Variants in PACSIN1 observed in about 807,000 individuals in gnomAD.
PACSIN1 encodes protein kinase C and casein kinase substrate in neurons 1.
PACSIN1 carries 15 observed loss-of-function variants against 59.5 expected under a neutral mutation model. That is an observed-to-expected ratio of 0.25 (90% CI 0.17 to 0.39). The LOEUF (loss-of-function observed/expected upper bound fraction) is 0.39. PACSIN1 is among the 10% of genes least tolerant of loss of function. PACSIN1 has a pLI of 1.00. For synonymous variants in PACSIN1, 210 were observed against 220.6 expected (o/e 0.95, Z 0.42); for missense variants, 420 against 580.2 (o/e 0.72, Z 2.84).
At chr6:34,487,344 T>C (rs1434467106) in intron 1 of PACSIN1, among the ~76,000 whole-genome samples, 2 of 152,184 alleles carry the variant, frequency 1.3e-5, no homozygotes, top group Non-Finnish European at 2.9e-5. Context: ...AGGATCAGGT[T>C]TGCCTGTTAT....
At position 34,522,240 on chromosome 6, in the gene PACSIN1, G is replaced by T. The variant is rs550889432; in HGVS notation, c.-63-4003G>T. 1.3e-4 allele frequency among the ~76,000 whole-genome samples: 20 copies of T among 152,340 alleles called. No homozygotes were observed. The East Asian group carries it at 2.9e-3, about 22-fold the overall frequency. ...GGAGCGAGGATTCAATACCAGCTCC[G>T]CTGTTTACTGTCTCAAAGGCCATGC... On this transcript the variant is annotated intron_variant, in intron 1 of 9. Coordinates refer to ENST00000244458, the MANE Select transcript of PACSIN1 (RefSeq NM_020804.5).
At chr6:34,497,635 A>G (rs191480790) in intron 1 of PACSIN1, among the ~76,000 whole-genome samples, 3 of 152,074 alleles carry the variant, frequency 2.0e-5, no homozygotes, top group East Asian at 1.9e-4. Flanking sequence ...CCTGCCCCAC[A>G]CTGTCCATCA....
intron 1 of PACSIN1, among the ~76,000 whole-genome samples, chr6:34,497,372 G>A (rs928962844): frequency 1.5e-4 from 23 of 152,164 alleles, no homozygotes; most frequent in African/African-American, 5.3e-4. Flanking sequence ...CTTAGCCCAG[G>A]TATCCTCCCA....
chr6:34,504,776 G>A (rs1767083789), intron 1 of PACSIN1, among the ~76,000 whole-genome samples: 1 of 151,814 alleles, frequency 6.6e-6, no homozygotes, highest in Admixed American at 6.6e-5. Context: ...ATTCTTTTAG[G>A]GTAGGTCTGC....
In PACSIN1 at chr6:34,531,183, G is replaced by A. The variant is rs1174255012; in HGVS notation, c.1038-417G>A. On this transcript the variant is annotated intron_variant, in intron 8 of 9. Transcript: ENST00000244458. This position sits in a 1 kb window ranked among gnomAD's most constrained non-coding sequence, Gnocchi z 4.4. ...CATATGTTAACTCATTCATGCTCAA[G>A]TGCGTAAATATTACCATTTTACAGA... 6.6e-6 allele frequency among the ~76,000 whole-genome samples: 1 copy of A among 152,214 alleles called. No individual in the cohort carries two copies. The highest frequency in any genetic ancestry group is 1.9e-4 in the East Asian group (1 of 5,206).
chr6:34,468,907 G>T (rs1766533802), intron 1 of PACSIN1, among the ~76,000 whole-genome samples: 1 of 152,248 alleles, frequency 6.6e-6, no homozygotes, highest in African/African-American at 2.4e-5. Flanking sequence ...GTGAGTGACT[G>T]TTGGTCCCAT....
chr6:34,531,723 A>G lies in PACSIN1; in HGVS notation c.1161A>G (p.Gly387=). 2 of 1,607,644 alleles carry G rather than the reference A, an allele frequency of 1.2e-6. No individual in the cohort carries two copies. The highest frequency in any genetic ancestry group is 8.5e-7 in the Non-Finnish European group (1 of 1,176,630). The change falls in exon 9 of 10, where the codon GGA becomes GGG. Residue 387 remains glycine (G), a synonymous_variant. Coordinates refer to ENST00000244458, the MANE Select transcript of PACSIN1 (RefSeq NM_020804.5). This position sits in a 1 kb window ranked among gnomAD's most constrained non-coding sequence, Gnocchi z 4.4. ...GANPFEDDSK[G]VRVRALYDYD... ...ACCCCTTTGAGGACGACTCCAAGGG[A>G]GTGCGCGTGCGGGCACTCTACGACT...
intron 1 of PACSIN1, among the ~76,000 whole-genome samples, chr6:34,504,286 ATATATTTTTTT>A (rs1561963441): frequency 1.2e-5 from 1 of 85,926 alleles, no homozygotes; most frequent in African/African-American, 5.3e-5. Flanking sequence ...ATATATATAT[ATATATTTTTTT>A]TTTTTTTTTT....
At position 34,530,476 on chromosome 6, in the gene PACSIN1, T is replaced by C; in HGVS notation, c.926T>C (p.Leu309Pro). The C allele has an allele frequency of 6.2e-7, 1 of 1,603,224 alleles. No individual in the cohort carries two copies. Among genetic ancestry groups the C allele is most frequent in the Non-Finnish European group, 8.5e-7 (1 of 1,174,766 alleles). ...WPQFEEWNPD[L>P]PHTTTKKEKQ... Reference sequence around the variant, plus strand: ...CCCCACCAGGAGTGGAACCCAGACCTTCCTCACACCACCACCAAGAAGGAG... The same window carrying C: ...CCCCACCAGGAGTGGAACCCAGACCCTCCTCACACCACCACCAAGAAGGAG... Residue 309 changes from leucine to proline, a missense_variant, in exon 8 of 10, where the codon CTT becomes CCT. Physicochemically the swap from Leu to Pro is moderately conservative, Grantham distance 98 (BLOSUM62 -3). Transcript: ENST00000244458. This position sits in a 1 kb window ranked among gnomAD's most constrained non-coding sequence, Gnocchi z 4.4.
At chr6:34,474,048 C>A (rs1037693505) in intron 1 of PACSIN1, among the ~76,000 whole-genome samples, 1 of 152,180 alleles carries the variant, frequency 6.6e-6, no homozygotes. Flanking sequence ...ATGTCTTAGT[C>A]TCTTTCAATC....
At chr6:34,492,466 C>T (rs1766892301) in intron 1 of PACSIN1, among the ~76,000 whole-genome samples, 1 of 152,124 alleles carries the variant, frequency 6.6e-6, no homozygotes, top group Non-Finnish European at 1.5e-5. Flanking sequence ...TCACCACAAC[C>T]TCTGCCTCCT....
At chr6:34,528,441 A>G (rs1767527329) in intron 3 of PACSIN1, among the ~76,000 whole-genome samples, 1 of 152,238 alleles carries the variant, frequency 6.6e-6, no homozygotes, top group Non-Finnish European at 1.5e-5. Context: ...GCTGCTGGCC[A>G]TGGCAGGAGG....
rs1309515909 is a variant in PACSIN1 at position 34,526,290 on chromosome 6, C to A, written c.-16C>A. The A allele has an allele frequency of 1.9e-6, 3 of 1,610,236 alleles. No homozygotes were observed. Among genetic ancestry groups the A allele is most frequent in the Non-Finnish European group, 2.5e-6 (3 of 1,178,892 alleles). ...AACCGCAGCTCCGCACTTGTCCATC[C>A]CCCTGCGGCTACACCATGTCCAGCT... On this transcript the variant is annotated 5_prime_UTR_variant, in exon 2 of 10. Coordinates refer to ENST00000244458, the MANE Select transcript of PACSIN1 (RefSeq NM_020804.5).
rs1030845626 is a variant in PACSIN1, at chr6:34,466,207, G to C, written c.-127G>C. On this transcript the variant is annotated 5_prime_UTR_variant, in exon 1 of 10. Coordinates refer to ENST00000244458, the MANE Select transcript of PACSIN1 (RefSeq NM_020804.5). ...CGGGAAGTCGGCCGGGCTTGAGGCC[G>C]GGCCCCAGACGTCCCGCTTCGCCCC... 6.6e-6 allele frequency: 1 copy of C among 152,214 alleles called. No homozygotes were observed. The highest frequency in any genetic ancestry group is 1.5e-5 in the Non-Finnish European group (1 of 68,110). 9.4% of individuals were successfully genotyped at this position (152,214 alleles called of 1,614,324 possible).
chr6:34,530,148 C>T lies in PACSIN1; in HGVS notation c.789-95C>T, dbSNP rs987058349. 5 of 1,464,720 alleles carry T rather than the reference C, an allele frequency of 3.4e-6. No individual in the cohort carries two copies. Among genetic ancestry groups the T allele is most frequent in the Non-Finnish European group, 4.6e-6 (5 of 1,095,090 alleles). The allele number at this position is 1,464,720 out of a possible 1,614,324, so 90.7% of individuals were successfully genotyped here. On this transcript the variant is annotated intron_variant, in intron 6 of 9. Coordinates refer to ENST00000244458, the MANE Select transcript of PACSIN1 (RefSeq NM_020804.5). This position sits in a 1 kb window ranked among gnomAD's most constrained non-coding sequence, Gnocchi z 4.4. Reference sequence around the variant, plus strand: ...CCTGGCTGGGCAGCATGCCCAGCACCCTGCTTCCCTGAGTGGACTCTGGCC... The same window carrying T: ...CCTGGCTGGGCAGCATGCCCAGCACTCTGCTTCCCTGAGTGGACTCTGGCC...
chr6:34,510,337 C>T (rs1767181126), intron 1 of PACSIN1, among the ~76,000 whole-genome samples: 1 of 152,236 alleles, frequency 6.6e-6, no homozygotes, highest in Non-Finnish European at 1.5e-5. Flanking sequence ...CAATGGCTTC[C>T]CTTCATACTT....
Position 34,530,219 on chromosome 6 carries a change from C to T in PACSIN1, c.789-24C>T, listed in dbSNP as rs1334813187. 1.3e-6 allele frequency: 2 copies of T among 1,594,504 alleles called. No homozygotes were observed. The highest frequency in any genetic ancestry group is 2.2e-5 in the East Asian group (1 of 44,508). On this transcript the variant is annotated intron_variant, in intron 6 of 9. Transcript: ENST00000244458. The surrounding 1 kb of genome is among the most constrained non-coding windows in gnomAD (Gnocchi z 4.4). ...GGCCATGTTGAATCTGTGCCCTCCACCTCCCCCATCTCCCTGAGCACAGCT... is the reference window on the plus strand; with the variant it reads ...GGCCATGTTGAATCTGTGCCCTCCATCTCCCCCATCTCCCTGAGCACAGCT...
At position 34,532,723 on chromosome 6, in the gene PACSIN1, G is replaced by T; in HGVS notation, c.*193G>T. On this transcript the variant is annotated 3_prime_UTR_variant, in exon 10 of 10. Transcript: ENST00000244458. The surrounding 1 kb of genome is among the most constrained non-coding windows in gnomAD (Gnocchi z 5.2). ...TGCAGGGCCACCTGGAGGCTGGGGT[G>T]CTGGGGCTTGGGGTGGCCCCAGGGT... 1 of 574,376 alleles carries T rather than the reference G, an allele frequency of 1.7e-6. No individual in the cohort carries two copies. 35.6% of individuals were successfully genotyped at this position (574,376 alleles called of 1,614,324 possible). A position where few individuals can be genotyped will look rare whatever the true frequency, so the allele number is the denominator to read the frequency against.
rs368103785 is a variant in PACSIN1, at chr6:34,530,213, C to T, written c.789-30C>T. The stretch of plus-strand genomic sequence containing the variant: ...AGGAGGGGCCATGTTGAATCTGTGC[C>T]CTCCACCTCCCCCATCTCCCTGAGC... On this transcript the variant is annotated intron_variant, in intron 6 of 9. Transcript: ENST00000244458. The surrounding 1 kb of genome is among the most constrained non-coding windows in gnomAD (Gnocchi z 4.4). 3.8e-6 allele frequency: 6 copies of T among 1,589,162 alleles called. No individual in the cohort carries two copies. In the Admixed American group the frequency reaches 5.1e-5, roughly 14 times the overall value.
Sources: gnomAD v4.1 joint callset for allele counts (sites outside exome capture counted in the v4.1 genomes callset) on GRCh38, gnomAD v4.1.1 for gene constraint, Gnocchi (gnomAD v3.1) non-coding constraint, MANE v1.5 for transcripts, NCBI Gene and HGNC (gene_info 2026-07-23, HGNC 2026-07-21) for gene names.